Variants in NPAS3 observed in about 807,000 individuals in gnomAD.
NPAS3 encodes neuronal PAS domain protein 3, also known as neuronal PAS domain-containing protein 3.
A neutral mutation model predicts 73.1 loss-of-function variants in NPAS3; 14 were observed. The ratio of observed to expected loss-of-function variants is 0.19; its 90% CI spans 0.13 to 0.30. The LOEUF (loss-of-function observed/expected upper bound fraction) is 0.30. Ranked by LOEUF, NPAS3 falls within the 10% of genes least tolerant of loss-of-function variation. NPAS3 has a pLI of 1.00. For missense variants in NPAS3, 1,096 were observed against 1,250.0 expected, an observed-to-expected ratio of 0.88 and a Z score of 1.86; for synonymous variants, 620 against 541.5, an observed-to-expected ratio of 1.14 and a Z score of -2.01.
At chr14:33,119,076 A>G (rs931055653) in intron 2 of NPAS3, among the ~76,000 whole-genome samples, 7 of 152,022 alleles carry the variant, frequency 4.6e-5, no homozygotes, top group African/African-American at 1.7e-4. Context: ...TTATGTTCTG[A>G]AACATCTTAG....
At chr14:33,641,478 A>T (rs1030250712) in intron 5 of NPAS3, among the ~76,000 whole-genome samples, 3 of 152,194 alleles carry the variant, frequency 2.0e-5, no homozygotes, top group Admixed American at 6.5e-5. Flanking sequence ...TAAGTTTGTC[A>T]TGTAACACCA....
At chr14:32,994,613 T>A (rs1203822122) in intron 1 of NPAS3, among the ~76,000 whole-genome samples, 1 of 137,630 alleles carries the variant, frequency 7.3e-6, no homozygotes, top group East Asian at 2.0e-4. Context: ...CCATTCTAGT[T>A]TTTTGTTTGT....
At chr14:33,202,399 T>C (rs776330112) in intron 2 of NPAS3, among the ~76,000 whole-genome samples, 10 of 151,710 alleles carry the variant, frequency 6.6e-5, no homozygotes, top group African/African-American at 1.5e-4. Context: ...TAAGACCCTG[T>C]CTTAAAAAAA....
intron 1 of NPAS3, among the ~76,000 whole-genome samples, chr14:32,996,147 T>C (rs1186652075): frequency 1.3e-5 from 2 of 152,178 alleles, no homozygotes; most frequent in African/African-American, 4.8e-5. Context: ...ACTGGTGGCA[T>C]TTTGCCCCTG....
At chr14:33,044,396 C>A (rs1595309830) in intron 1 of NPAS3, among the ~76,000 whole-genome samples, 1 of 152,146 alleles carries the variant, frequency 6.6e-6, no homozygotes, top group Non-Finnish European at 1.5e-5. Flanking sequence ...CTATTAGACA[C>A]AAAGGCCATG....
intron 6 of NPAS3, among the ~76,000 whole-genome samples, chr14:33,708,594 G>A (rs374350602): frequency 9.3e-4 from 141 of 152,264 alleles, no homozygotes; most frequent in African/African-American, 3.2e-3. Flanking sequence ...GAGTCTTAAC[G>A]ACCTGGAAGA....
chr14:33,560,035 A>G (rs1163930686), intron 4 of NPAS3, 86 bp from the exon 5 acceptor site: 2 of 585,984 alleles, frequency 3.4e-6, no homozygotes, highest in Non-Finnish European at 6.0e-6. Flanking sequence ...AATTCAATGT[A>G]TTGCTTTTTC....
chr14:33,255,431 T>G (rs1566729089), intron 3 of NPAS3, among the ~76,000 whole-genome samples: 1 of 152,168 alleles, frequency 6.6e-6, no homozygotes, highest in Non-Finnish European at 1.5e-5. Context: ...CTAATTATAA[T>G]AATTACGATA....
intron 10 of NPAS3, among the ~76,000 whole-genome samples, chr14:33,795,339 G>T (rs554947503): frequency 1.3e-5 from 2 of 152,124 alleles, no homozygotes; most frequent in South Asian, 4.2e-4. Flanking sequence ...TTTCTCCAAG[G>T]CCTGATTTCC....
rs150896161 is a variant in NPAS3 at position 33,800,759 on chromosome 14, A to G, written c.2452A>G (p.Thr818Ala). 6.4e-7 allele frequency: 1 copy of G among 1,568,108 alleles called. No individual in the cohort carries two copies. The highest frequency in any genetic ancestry group is 8.6e-7 in the Non-Finnish European group (1 of 1,158,486). Residue 818 changes from threonine to alanine, a missense_variant, in exon 12 of 12, where the codon ACG becomes GCG. Thr to Ala is a moderately conservative substitution (Grantham distance 58). Transcript: ENST00000356141. The surrounding 1 kb of genome is among the most constrained non-coding windows in gnomAD (Gnocchi z 6.5). ...GACCGGGACCCTGGCCGCCACCAGCACGGCCGCGCAGAGGGTCTACACCAC... is the reference window on the plus strand; with the variant it reads ...GACCGGGACCCTGGCCGCCACCAGCGCGGCCGCGCAGAGGGTCTACACCAC...
chr14:33,535,881 G>A (rs1405917326), intron 4 of NPAS3, among the ~76,000 whole-genome samples: 4 of 152,094 alleles, frequency 2.6e-5, no homozygotes, highest in Non-Finnish European at 5.9e-5. Context: ...AGCATTGATG[G>A]ATTTAAACTG....
intron 2 of NPAS3, among the ~76,000 whole-genome samples, chr14:33,145,126 G>A (rs994130441): frequency 1.3e-5 from 2 of 152,182 alleles, no homozygotes; most frequent in African/African-American, 4.8e-5. Flanking sequence ...AGATAAGCTG[G>A]TTTATTCTAC....
At chr14:33,544,825 A>AATATATATATATATAAT (rs1555409997) in intron 4 of NPAS3, among the ~76,000 whole-genome samples, 12 of 112,188 alleles carry the variant, frequency 1.1e-4, no homozygotes, top group African/African-American at 4.5e-4. Context: ...TATATAATAT[A>AATATATATATATATAAT]TATGTGTATA....
Position 33,028,412 on chromosome 14 carries a change from A to T in NPAS3, c.51-27493A>T, listed in dbSNP as rs2039878846. 5.3e-5 allele frequency among the ~76,000 whole-genome samples: 8 copies of T among 152,354 alleles called. No homozygotes were observed. In the South Asian group the frequency reaches 1.7e-3, roughly 32 times the overall value. Reference sequence around the variant, plus strand: ...TGCTTTACAAGGGAAAAGCTTGAACAATAGTGGGAATGATAAAAAATAACA... The same window carrying T: ...TGCTTTACAAGGGAAAAGCTTGAACTATAGTGGGAATGATAAAAAATAACA... On this transcript the variant is annotated intron_variant, in intron 1 of 11. Coordinates refer to ENST00000356141, the Ensembl canonical transcript of NPAS3.
At chr14:33,443,942 C>A (rs931160478) in intron 4 of NPAS3, among the ~76,000 whole-genome samples, 2 of 152,134 alleles carry the variant, frequency 1.3e-5, no homozygotes, top group Non-Finnish European at 2.9e-5. Context: ...GATGCTGAGG[C>A]AACATAAAAT....
intron 4 of NPAS3, among the ~76,000 whole-genome samples, chr14:33,415,541 T>A (rs1319110061): frequency 6.6e-6 from 1 of 152,118 alleles, no homozygotes; most frequent in African/African-American, 2.4e-5. Context: ...GTATGTAAAT[T>A]GCCCTATATG....
chr14:33,407,565 G>A (rs947472327), intron 4 of NPAS3, among the ~76,000 whole-genome samples: 1 of 152,158 alleles, frequency 6.6e-6, no homozygotes, highest in African/African-American at 2.4e-5. Flanking sequence ...GGCATATGGT[G>A]TAATAGAATA....
chr14:33,147,232 G>A lies in NPAS3; in HGVS notation c.141-67950G>A, dbSNP rs549005601. Among the ~76,000 whole-genome samples, 67 of 152,164 alleles carry A rather than the reference G, an allele frequency of 4.4e-4. No homozygotes were observed. In the South Asian group the frequency reaches 0.013, roughly 30 times the overall value. On this transcript the variant is annotated intron_variant, in intron 2 of 11. Coordinates refer to ENST00000356141, the Ensembl canonical transcript of NPAS3. ...AATGTAAAAATGCCCTTGCTGAAGT[G>A]AATAAAGAAGACATGTTTGTGTAGT...
chr14:33,613,226 T>G (rs1310660791), intron 5 of NPAS3, among the ~76,000 whole-genome samples: 1 of 152,128 alleles, frequency 6.6e-6, no homozygotes, highest in Non-Finnish European at 1.5e-5. Flanking sequence ...AAACCCTGCC[T>G]TTCAGAAGAG....
Sources: allele counts gnomAD v4.1 joint callset (sites outside exome capture counted in the v4.1 genomes callset), GRCh38; gene constraint gnomAD v4.1.1; non-coding constraint Gnocchi (gnomAD v3.1); transcripts MANE v1.5; gene names NCBI Gene and HGNC (gene_info 2026-07-23, HGNC 2026-07-21).